DTNB: variants seen among roughly 807,000 people sequenced by gnomAD.
DTNB encodes the protein DTN-B.
DTNB carries 63 observed loss-of-function variants against 90.7 expected under a neutral mutation model. The observed-to-expected ratio is 0.69, with a 90% CI of 0.57 to 0.86. The LOEUF (loss-of-function observed/expected upper bound fraction) is 0.86. Ranked by LOEUF, DTNB falls within the 40% of genes least tolerant of loss-of-function variation. The probability of loss-of-function intolerance (pLI) is 0.00; values close to 1 mark genes in which losing one functional copy is unlikely to be tolerated. For synonymous variants in DTNB, 277 were observed against 286.7 expected, an observed-to-expected ratio of 0.97 and a Z score of 0.34; for missense variants, 744 against 807.1, an observed-to-expected ratio of 0.92 and a Z score of 0.95.
At chr2:25,518,382 C>G (rs796737119) in intron 9 of DTNB, among the ~76,000 whole-genome samples, 4 of 152,214 alleles carry the variant, frequency 2.6e-5, no homozygotes, top group African/African-American at 9.6e-5. Context: ...AATAATCACC[C>G]TCCTTGGACT....
intron 1 of DTNB, among the ~76,000 whole-genome samples, chr2:25,662,560 C>A (rs2083396382): frequency 6.6e-6 from 1 of 151,940 alleles, no homozygotes; most frequent in African/African-American, 2.4e-5. Context: ...TCATGCAAGC[C>A]CATGGCTGAG....
At chr2:25,482,973 T>G in intron 9 of DTNB, 100 bp from the exon 10 acceptor site, 1 of 1,207,964 alleles carries the variant, frequency 8.3e-7, no homozygotes, top group Non-Finnish European at 1.1e-6. Context: ...CAATCATCAT[T>G]CGCGGTAAGC....
intron 8 of DTNB, among the ~76,000 whole-genome samples, chr2:25,538,134 G>A (rs1272887194): frequency 1.3e-5 from 2 of 152,080 alleles, no homozygotes; most frequent in Non-Finnish European, 2.9e-5. Flanking sequence ...TATAATGCCA[G>A]CACTTTGGGA....
intron 8 of DTNB, among the ~76,000 whole-genome samples, chr2:25,568,170 A>AG (rs201951668): frequency 2.6e-5 from 4 of 151,560 alleles, no homozygotes; most frequent in African/African-American, 9.8e-5. Flanking sequence ...AAAAAAAAAA[A>AG]GAGGAAAAGA....
chr2:25,408,250 G>A (rs559844300), intron 16 of DTNB, among the ~76,000 whole-genome samples: 12 of 151,772 alleles, frequency 7.9e-5, no homozygotes, highest in African/African-American at 2.4e-4. Flanking sequence ...TGGAGGCTGC[G>A]GTGAGCCGAG....
chr2:25,615,756 C>T (rs1000046682), intron 4 of DTNB, among the ~76,000 whole-genome samples: 1 of 152,150 alleles, frequency 6.6e-6, no homozygotes, highest in Non-Finnish European at 1.5e-5. Flanking sequence ...CTTATTATTT[C>T]GCAAATCCCA....
chr2:25,652,442 C>T (rs2081126919), intron 2 of DTNB, among the ~76,000 whole-genome samples, 152 bp downstream of exon 2: 3 of 151,180 alleles, frequency 2.0e-5, no homozygotes, highest in African/African-American at 7.3e-5. Flanking sequence ...GGCTTGGGGT[C>T]CTTCAACTCC....
intron 8 of DTNB, among the ~76,000 whole-genome samples, chr2:25,550,356 A>T (rs2083384035): frequency 6.6e-6 from 1 of 152,248 alleles, no homozygotes; most frequent in East Asian, 1.9e-4. Context: ...GCGCCACTGC[A>T]CTCCAGCCTG....
At chr2:25,652,690 A>T (rs756852478) in intron 1 of DTNB, 29 bp from the exon 2 acceptor site, 10 of 1,598,802 alleles carry the variant, frequency 6.3e-6, no homozygotes, top group Non-Finnish European at 8.5e-6. Flanking sequence ...ACAATAAACC[A>T]CTGTATAATT....
In DTNB at chr2:25,552,692, T is replaced by C. The variant is rs1421167476; in HGVS notation, c.877-21095A>G. 3.0e-4 allele frequency among the ~76,000 whole-genome samples: 45 copies of C among 152,168 alleles called. 1 individual carries two copies. Among genetic ancestry groups the C allele is most frequent in the Admixed American group, 2.8e-3 (43 of 15,266 alleles). ...CCTTTCCTTCCGCCTGCCCTGCCCA[T>C]TGTACTTACAGATTACTTTAAAAAT... is the stretch of plus-strand genomic sequence containing the variant. On this transcript the variant is annotated intron_variant, in intron 8 of 20. Transcript: ENST00000406818.
At chr2:25,580,281 T>C (rs2061371303) in intron 7 of DTNB, among the ~76,000 whole-genome samples, 1 of 152,088 alleles carries the variant, frequency 6.6e-6, no homozygotes, top group Non-Finnish European at 1.5e-5. Flanking sequence ...ATGCCCAGCC[T>C]ACTTCTTGGT....
chr2:25,569,655 C>T (rs1177357638), intron 8 of DTNB, among the ~76,000 whole-genome samples: 1 of 152,098 alleles, frequency 6.6e-6, no homozygotes, highest in Non-Finnish European at 1.5e-5. Context: ...ATATTTGATT[C>T]GGGGGCTACT....
At chr2:25,439,769 A>G (rs2056944696) in intron 12 of DTNB, among the ~76,000 whole-genome samples, 1 of 152,174 alleles carries the variant, frequency 6.6e-6, no homozygotes, top group Admixed American at 6.5e-5. Flanking sequence ...ATATTTAGTG[A>G]AAGTGATGTG....
rs181226108 is a variant in DTNB, at chr2:25,513,917, T to A, written c.1001+17556A>T. 7.3e-5 allele frequency among the ~76,000 whole-genome samples: 11 copies of A among 151,566 alleles called. No homozygotes were observed. The East Asian group carries it at 2.1e-3, about 29-fold the overall frequency. ...TTCTGTAAGTATTTAAGATCTACTA[T>A]CTGCCAGACCCACGCCAGATAGGGA... is the stretch of plus-strand genomic sequence containing the variant. On this transcript the variant is annotated intron_variant, in intron 9 of 20. Transcript: ENST00000406818.
At chr2:25,397,376 G>A (rs183153296) in intron 16 of DTNB, among the ~76,000 whole-genome samples, 11 of 150,568 alleles carry the variant, frequency 7.3e-5, no homozygotes, top group South Asian at 2.1e-4. Context: ...AGTATGCTAC[G>A]TGCAAGAAGC....
intron 8 of DTNB, among the ~76,000 whole-genome samples, chr2:25,566,896 A>C (rs1418487566): frequency 6.6e-6 from 1 of 152,202 alleles, no homozygotes; most frequent in African/African-American, 2.4e-5. Flanking sequence ...GGACTGACTT[A>C]TGAGAAAGCT....
intron 8 of DTNB, among the ~76,000 whole-genome samples, chr2:25,539,219 C>T (rs1040375273): frequency 2.0e-5 from 3 of 152,116 alleles, no homozygotes; most frequent in East Asian, 1.9e-4. Flanking sequence ...CTTTCCTGTC[C>T]GTGTCTCTTA....
intron 9 of DTNB, among the ~76,000 whole-genome samples, chr2:25,512,895 A>G (rs973225126): frequency 2.0e-5 from 3 of 152,242 alleles, no homozygotes; most frequent in African/African-American, 7.2e-5. Flanking sequence ...ATAAGATTCC[A>G]AAAGTAAGGT....
chr2:25,497,734 CCAGT>C (rs1271076459), intron 9 of DTNB: 1 of 152,154 alleles, frequency 6.6e-6, no homozygotes, highest in Non-Finnish European at 1.5e-5. Context: ...ATTGTCTCTG[CCAGT>C]CAGAGTCATT....
Sources: gnomAD v4.1 joint callset for allele counts (sites outside exome capture counted in the v4.1 genomes callset) on GRCh38, gnomAD v4.1.1 for gene constraint, MANE v1.5 for transcripts, NCBI Gene and HGNC (gene_info 2026-07-23, HGNC 2026-07-21) for gene names.